Variants in ODAPH observed in about 807,000 individuals in gnomAD.
The protein encoded by ODAPH is amelogenesis imperfecta type IIA4.
A neutral mutation model predicts 2.8 loss-of-function variants in ODAPH; 2 were observed. The observed-to-expected ratio is 0.72, with a 90% CI of 0.30 to 2.28. The LOEUF (loss-of-function observed/expected upper bound fraction) is 2.28, where lower values mean the gene tolerates loss of function less well. Ranked by LOEUF, ODAPH falls within the 30% of genes most tolerant of loss-of-function variation. ODAPH has a pLI of 0.13. For synonymous variants in ODAPH, 75 were observed against 60.3 expected, an observed-to-expected ratio of 1.24 and a Z score of -1.13; for missense variants, 159 against 163.3, an observed-to-expected ratio of 0.97 and a Z score of 0.14.
chr4:75,560,247 C>T (rs1225540797), intron 1 of ODAPH, among the ~76,000 whole-genome samples: 6 of 152,074 alleles, frequency 3.9e-5, no homozygotes, highest in Admixed American at 2.0e-4. Context: ...GCTTTCTCTC[C>T]GGAATATGAA....
intron 1 of ODAPH, 134 bp from the exon 2 acceptor site, chr4:75,563,980 T>A: frequency 1.3e-6 from 1 of 748,882 alleles, no homozygotes; most frequent in Middle Eastern, 2.4e-4. Context: ...CATTGAACGT[T>A]GGCAGTTCTT....
chr4:75,559,529 C>A (rs1727478277), intron 1 of ODAPH, among the ~76,000 whole-genome samples: 1 of 152,184 alleles, frequency 6.6e-6, no homozygotes, highest in African/African-American at 2.4e-5. Context: ...GCTCAGGAAG[C>A]CTGGCTCTAG....
At position 75,563,027 on chromosome 4, in the gene ODAPH, T is replaced by G. The variant is rs1413992095; in HGVS notation, c.68-1087T>G. Among the ~76,000 whole-genome samples the G allele has an allele frequency of 6.7e-5, 8 of 120,182 alleles. 1 individual carries two copies. The highest frequency in any genetic ancestry group is 1.3e-4 in the African/African-American group (4 of 31,392). The allele number at this position is 120,182 out of a possible 152,430, so 78.8% of individuals were successfully genotyped here. ...CATCTTTTTTTTTTTTTTTTTTTTT[T>G]TTTTTTTTTTTTTTTGAGACAGAGT... On this transcript the variant is annotated intron_variant, in intron 1 of 1. Transcript: ENST00000311623.
rs141339022 is a variant in ODAPH, at chr4:75,556,825, AG to A, written c.67+680del. Among the ~76,000 whole-genome samples, 482 of 152,338 alleles carry A rather than the reference AG, an allele frequency of 3.2e-3. 3 individuals carry two copies. The highest frequency in any genetic ancestry group is 0.011 in the African/African-American group (462 of 41,582). Reference sequence around the variant, plus strand: ...GAAGGGATGAAAAGAGGGAAATACAAGGGGAGGAAATCTTGGGGAGCCTAGA... The same window carrying A: ...GAAGGGATGAAAAGAGGGAAATACAAGGGAGGAAATCTTGGGGAGCCTAGA... On this transcript the variant is annotated intron_variant, in intron 1 of 1. Coordinates refer to ENST00000311623, the MANE Select transcript of ODAPH (RefSeq NM_178497.5).
chr4:75,564,526 G>C lies in ODAPH; in HGVS notation c.*87G>C. The C allele has an allele frequency of 4.4e-6, 7 of 1,608,140 alleles. No homozygotes were observed. Among genetic ancestry groups the C allele is most frequent in the Non-Finnish European group, 5.9e-6 (7 of 1,178,730 alleles). On this transcript the variant is annotated 3_prime_UTR_variant, in exon 2 of 2. Transcript: ENST00000311623. Reference sequence around the variant, plus strand: ...CAAAAAGATTTCTGTTTTATCTTTCGAAACTAAAACTATTGGATTTGAAGA... The same window carrying C: ...CAAAAAGATTTCTGTTTTATCTTTCCAAACTAAAACTATTGGATTTGAAGA...
intron 1 of ODAPH, among the ~76,000 whole-genome samples, chr4:75,557,294 T>G (rs1292399733): frequency 6.6e-6 from 1 of 152,178 alleles, no homozygotes; most frequent in African/African-American, 2.4e-5. Flanking sequence ...TGTAAACACA[T>G]AGCTAAACAA....
rs1727348226 is a variant in ODAPH, at chr4:75,556,606, A to G, written c.67+457A>G. The G allele has an allele frequency of 3.3e-6, 5 of 1,521,514 alleles. No individual in the cohort carries two copies. The Admixed American group carries it at 5.9e-5, about 18-fold the overall frequency. The allele number at this position is 1,521,514 out of a possible 1,614,324, so 94.3% of individuals were successfully genotyped here. ...CATGGTGGGTATTTAGTCTTTGTTCATTGCTTTAATTAATCACATCTATTG... is the reference window on the plus strand; with the variant it reads ...CATGGTGGGTATTTAGTCTTTGTTCGTTGCTTTAATTAATCACATCTATTG... On this transcript the variant is annotated intron_variant, in intron 1 of 1. Coordinates refer to ENST00000311623, the MANE Select transcript of ODAPH (RefSeq NM_178497.5).
intron 1 of ODAPH, among the ~76,000 whole-genome samples, chr4:75,561,764 T>C (rs1198986215): frequency 1.3e-5 from 2 of 151,870 alleles, no homozygotes; most frequent in Non-Finnish European, 2.9e-5. Flanking sequence ...GGAGAATCAC[T>C]TGAACCCAGG....
rs561080548 is a variant in ODAPH at position 75,556,438 on chromosome 4, G to A, written c.67+289G>A. ...TATCCATCGTTATGGGGTTTGCAAG[G>A]ACCAAATGAGCTATCATCTGTGAAA... On this transcript the variant is annotated intron_variant, in intron 1 of 1. Coordinates refer to ENST00000311623, the MANE Select transcript of ODAPH (RefSeq NM_178497.5). 1.6e-5 allele frequency: 15 copies of A among 956,408 alleles called. 1 individual carries two copies. The South Asian group carries it at 2.1e-4, about 14-fold the overall frequency. 59.2% of individuals were successfully genotyped at this position (956,408 alleles called of 1,614,324 possible). A position where few individuals can be genotyped will look rare whatever the true frequency, so the allele number is the denominator to read the frequency against.
chr4:75,556,266 C>T (rs758590583), intron 1 of ODAPH, 117 bp downstream of exon 1: 2 of 1,059,220 alleles, frequency 1.9e-6, no homozygotes, highest in Non-Finnish European at 2.9e-6. Flanking sequence ...CCTCAGCTTC[C>T]ATCAGCCTGT....
downstream of ODAPH, chr4:75,565,017 A>G (rs1039457928): frequency 6.3e-6 from 1 of 159,052 alleles, no homozygotes; most frequent in Admixed American, 6.1e-5. Context: ...TTTCTTGGAG[A>G]CAGAATTTCA....
chr4:75,564,177 A>G lies in ODAPH; in HGVS notation c.131A>G (p.Gln44Arg). 1.2e-6 allele frequency: 2 copies of G among 1,614,186 alleles called. No homozygotes were observed. The highest frequency in any genetic ancestry group is 8.5e-7 in the Non-Finnish European group (1 of 1,180,028). Residue 44 changes from glutamine (Q) to arginine (R), a missense_variant, in exon 2 of 2, where the codon CAG becomes CGG. Transcript: ENST00000311623. ...SQNNADATDC[Q>R]IFTLTPPPAP... is the part of the protein sequence containing the mutation. ...AATAATGCGGACGCTACCGACTGCC[A>G]GATCTTTACACTCACCCCTCCACCT...
At chr4:75,565,807 T>G (rs1033136024), downstream of ODAPH, 1 of 152,080 alleles carries the variant, frequency 6.6e-6, no homozygotes, top group Non-Finnish European at 1.5e-5. Flanking sequence ...TGGGAATGGT[T>G]GCCCTAAAAA....
At chr4:75,563,985 G>C in intron 1 of ODAPH, 129 bp from the exon 2 acceptor site, 2 of 808,104 alleles carry the variant, frequency 2.5e-6, no homozygotes, top group Non-Finnish European at 4.0e-6. Flanking sequence ...AACGTTGGCA[G>C]TTCTTTCAAA....
At chr4:75,560,071 A>C (rs1020103553) in intron 1 of ODAPH, among the ~76,000 whole-genome samples, 10 of 152,214 alleles carry the variant, frequency 6.6e-5, no homozygotes, top group Non-Finnish European at 1.2e-4. Flanking sequence ...CCACCTTTTC[A>C]GAAGCCCAGG....
chr4:75,558,222 G>T (rs1003661447), intron 1 of ODAPH, among the ~76,000 whole-genome samples: 2 of 152,078 alleles, frequency 1.3e-5, no homozygotes, highest in East Asian at 1.9e-4. Flanking sequence ...ATACTTTCTG[G>T]GCTCTGATAT....
Position 75,564,160 on chromosome 4 carries a change from G to A in ODAPH, c.114G>A (p.Ala38=), listed in dbSNP as rs199749835. 7 of 1,614,128 alleles carry A rather than the reference G, an allele frequency of 4.3e-6. No individual in the cohort carries two copies. Among genetic ancestry groups the A allele is most frequent in the East Asian group, 2.2e-5 (1 of 44,882 alleles). Residue 38 remains alanine, a synonymous_variant, in exon 2 of 2, where the codon GCG becomes GCA. Coordinates refer to ENST00000311623, the MANE Select transcript of ODAPH (RefSeq NM_178497.5). ...FTPPGDSQNN[A]DATDCQIFTL... ...CTCCTGGAGATTCACAAAATAATGCGGACGCTACCGACTGCCAGATCTTTA... is the reference window on the plus strand; with the variant it reads ...CTCCTGGAGATTCACAAAATAATGCAGACGCTACCGACTGCCAGATCTTTA...
Position 75,564,268 on chromosome 4 carries a change from T to A in ODAPH, c.222T>A (p.Phe74Leu). 1 of 1,614,226 alleles carries A rather than the reference T, an allele frequency of 6.2e-7. No homozygotes were observed. ...ITKTPRCPFH[F>L]FPRRPRIHFR... The stretch of plus-strand genomic sequence containing the variant: ...AGACACCCAGGTGTCCCTTCCATTT[T>A]TTTCCACGAAGGCCCAGAATCCATT... The change falls in exon 2 of 2, where the codon TTT becomes TTA. Residue 74 changes from phenylalanine (F) to leucine (L), a missense_variant. Coordinates refer to ENST00000311623, the MANE Select transcript of ODAPH (RefSeq NM_178497.5).
At position 75,564,241 on chromosome 4, in the gene ODAPH, A is replaced by G. The variant is rs761607700; in HGVS notation, c.195A>G (p.Thr65=). 2 of 1,614,212 alleles carry G rather than the reference A, an allele frequency of 1.2e-6. No homozygotes were observed. Among genetic ancestry groups the G allele is most frequent in the Non-Finnish European group, 1.7e-6 (2 of 1,180,032 alleles). The change falls in exon 2 of 2, where the codon ACA becomes ACG. Residue 65 remains threonine (T), a synonymous_variant. Coordinates refer to ENST00000311623, the MANE Select transcript of ODAPH (RefSeq NM_178497.5). ...CGGTCACAAGGGCCCAGCCCATCAC[A>G]AAGACACCCAGGTGTCCCTTCCATT... ...RSPVTRAQPI[T]KTPRCPFHFF... is the part of the protein sequence containing the mutation.
Sources: gnomAD v4.1 joint callset for allele counts (sites outside exome capture counted in the v4.1 genomes callset) on GRCh38, gnomAD v4.1.1 for gene constraint, MANE v1.5 for transcripts, NCBI Gene and HGNC (gene_info 2026-07-23, HGNC 2026-07-21) for gene names.